TMEM132B: variants seen among roughly 807,000 people sequenced by gnomAD.
TMEM132B encodes the protein transmembrane protein 132B.
Under a neutral mutation model 90.8 loss-of-function variants are expected in TMEM132B, and 18 were observed. That is an observed-to-expected ratio of 0.20 (90% confidence interval 0.14 to 0.29). The LOEUF is 0.29. Ranked by LOEUF, TMEM132B falls within the 10% of genes least tolerant of loss-of-function variation. The pLI, the probability that TMEM132B is intolerant of heterozygous loss-of-function variation, is 1.00. For missense variants in TMEM132B, 1,096 were observed against 1,326.8 expected (o/e 0.83, Z 2.70); for synonymous variants, 504 against 523.3 (o/e 0.96, Z 0.50).
chr12:125,194,266 G>GTT (rs1323538298), intron 1 of TMEM132B, among the ~76,000 whole-genome samples: 1 of 137,424 alleles, frequency 7.3e-6, no homozygotes, highest in Non-Finnish European at 1.7e-5. Flanking sequence ...GAATTAACCC[G>GTT]TTGGTGGGGG....
intron 5 of TMEM132B, among the ~76,000 whole-genome samples, chr12:125,602,936 C>T (rs1052771306): frequency 2.0e-5 from 3 of 152,132 alleles, no homozygotes; most frequent in Middle Eastern, 3.2e-3. Context: ...AGGAGAACTA[C>T]AAACCACTGC....
intron 5 of TMEM132B, among the ~76,000 whole-genome samples, chr12:125,591,693 G>A (rs1885322594): frequency 6.6e-6 from 1 of 152,140 alleles, no homozygotes; most frequent in Non-Finnish European, 1.5e-5. Flanking sequence ...GGCTCTAGAG[G>A]AGAATCGTTC....
At chr12:125,516,040 C>T (rs1053017553) in intron 3 of TMEM132B, among the ~76,000 whole-genome samples, 3 of 152,014 alleles carry the variant, frequency 2.0e-5, no homozygotes, top group Admixed American at 6.6e-5. Context: ...CACACCCCCA[C>T]ATTCACGCAT....
At chr12:125,354,533 G>T (rs947999231) in intron 2 of TMEM132B, among the ~76,000 whole-genome samples, 16 of 152,186 alleles carry the variant, frequency 1.1e-4, no homozygotes, top group African/African-American at 3.9e-4. Context: ...GCTCCTGAGG[G>T]TATTTGAATT....
At chr12:125,390,032 G>T (rs1317713825) in intron 2 of TMEM132B, among the ~76,000 whole-genome samples, 4 of 152,170 alleles carry the variant, frequency 2.6e-5, no homozygotes, top group Admixed American at 2.6e-4. Flanking sequence ...AGCTCCATAT[G>T]CTCCTTCCCA....
In TMEM132B at chr12:125,566,129, CA is replaced by C. The variant is rs555389864; in HGVS notation, c.1294-17718del. 3.3e-5 allele frequency among the ~76,000 whole-genome samples: 5 copies of C among 152,310 alleles called. No individual in the cohort carries two copies. In the South Asian group the frequency reaches 1.0e-3, roughly 32 times the overall value. On this transcript the variant is annotated intron_variant, in intron 4 of 8. Coordinates refer to ENST00000682704, the MANE Select transcript of TMEM132B (RefSeq NM_001366854.1). ...CAGTTCTGCACCATGAGAAAATGAC[CA>C]AAACCTTTAGTACCTGTGTTTCTTC...
At chr12:125,354,070 G>A (rs1877683197) in intron 2 of TMEM132B, among the ~76,000 whole-genome samples, 1 of 152,118 alleles carries the variant, frequency 6.6e-6, no homozygotes, top group Non-Finnish European at 1.5e-5. Flanking sequence ...CTTCCTTTAG[G>A]GAACCCACCA....
At chr12:125,307,549 C>T (rs186991327) in intron 1 of TMEM132B, among the ~76,000 whole-genome samples, 35 of 151,874 alleles carry the variant, frequency 2.3e-4, no homozygotes, top group Non-Finnish European at 2.6e-4. Flanking sequence ...ATCAGAAAAG[C>T]GAGATAGGGT....
chr12:125,258,746 C>T (rs1271951105), intron 1 of TMEM132B, among the ~76,000 whole-genome samples: 1 of 152,134 alleles, frequency 6.6e-6, no homozygotes, highest in East Asian at 1.9e-4. Context: ...ATGCTGCTAT[C>T]TTTAAAAAAT....
At position 125,647,914 on chromosome 12, in the gene TMEM132B, T is replaced by A. The variant is rs76438171; in HGVS notation, c.1644-2769T>A. 4.4e-4 allele frequency among the ~76,000 whole-genome samples: 66 copies of A among 149,656 alleles called. No homozygotes were observed. The East Asian group carries it at 8.2e-3, about 19-fold the overall frequency. ...ATTGTATCCTTTTTTTTTTTTTTTT[T>A]AATTATACTTTAAGTTTTAGGGTAC... On this transcript the variant is annotated intron_variant, in intron 6 of 8. Transcript: ENST00000682704.
At chr12:125,353,348 C>T (rs1877657975) in intron 2 of TMEM132B, among the ~76,000 whole-genome samples, 1 of 152,188 alleles carries the variant, frequency 6.6e-6, no homozygotes, top group South Asian at 2.1e-4. Context: ...GGGGTTGGCA[C>T]ATAAGACTAA....
chr12:125,448,463 T>C (rs1013212762), intron 3 of TMEM132B, among the ~76,000 whole-genome samples: 8 of 152,216 alleles, frequency 5.3e-5, no homozygotes, highest in Non-Finnish European at 7.3e-5. Context: ...TTAATAAAGA[T>C]GAAAAGATGT....
At chr12:125,440,286 C>T (rs1527133) in intron 3 of TMEM132B, among the ~76,000 whole-genome samples, 83,485 of 151,988 alleles carry the variant, frequency 0.55, 24,443 homozygotes, top group African/African-American at 0.77. Context: ...GAAACACTCA[C>T]ACCATTTAAT....
intron 3 of TMEM132B, among the ~76,000 whole-genome samples, chr12:125,465,664 G>A (rs1881543545): frequency 6.6e-6 from 1 of 152,194 alleles, no homozygotes; most frequent in Non-Finnish European, 1.5e-5. Flanking sequence ...ATCTCCAGTG[G>A]ACACAATCTT....
chr12:125,595,010 A>T (rs1885406534), intron 5 of TMEM132B, among the ~76,000 whole-genome samples: 1 of 152,118 alleles, frequency 6.6e-6, no homozygotes, highest in Admixed American at 6.5e-5. Context: ...GGACAAACAA[A>T]AGGCATGACG....
rs1476504082 is a variant in TMEM132B, at chr12:125,650,845, C to T, written c.1806C>T (p.Asp602=). ...TYMLGPDWQF[D]ITDLVTEFMK... is the part of the protein sequence containing the mutation. Reference sequence around the variant, plus strand: ...TGCTGGGCCCCGACTGGCAGTTTGACATCACTGACCTTGTGACCGAGTTCA... The same window carrying T: ...TGCTGGGCCCCGACTGGCAGTTTGATATCACTGACCTTGTGACCGAGTTCA... The change falls in exon 7 of 9, where the codon GAC becomes GAT. Residue 602 remains aspartate, a synonymous_variant. Transcript: ENST00000682704. 1.2e-6 allele frequency: 2 copies of T among 1,614,214 alleles called. No homozygotes were observed. The highest frequency in any genetic ancestry group is 4.5e-5 in the East Asian group (2 of 44,884).
At chr12:125,364,982 AT>A (rs1878081661) in intron 2 of TMEM132B, among the ~76,000 whole-genome samples, 1 of 151,950 alleles carries the variant, frequency 6.6e-6, no homozygotes, top group Non-Finnish European at 1.5e-5. Flanking sequence ...TAGTATGCTT[AT>A]TTCATTAATA....
chr12:125,248,503 T>C (rs1289252115), intron 1 of TMEM132B, among the ~76,000 whole-genome samples: 2 of 152,240 alleles, frequency 1.3e-5, no homozygotes, highest in Non-Finnish European at 1.5e-5. Context: ...TACCTTTATC[T>C]GGATTTATAT....
chr12:125,203,111 G>A (rs1029391626), intron 1 of TMEM132B, among the ~76,000 whole-genome samples: 1 of 152,124 alleles, frequency 6.6e-6, no homozygotes, highest in Non-Finnish European at 1.5e-5. Flanking sequence ...GCTCATCAGG[G>A]GCAAAGTTGC....
Sources: gnomAD v4.1 joint callset for allele counts (sites outside exome capture counted in the v4.1 genomes callset) on GRCh38, gnomAD v4.1.1 for gene constraint, MANE v1.5 for transcripts, NCBI Gene and HGNC (gene_info 2026-07-23, HGNC 2026-07-21) for gene names.